The following TERT variants were observed in gnomAD, a reference collection of about 807,000 sequenced individuals.
TERT encodes telomerase catalytic subunit.
TERT carries 42 observed loss-of-function variants against 104.0 expected under a neutral mutation model. The observed-to-expected ratio is 0.40, with a 90% CI of 0.32 to 0.52. The LOEUF is 0.52. TERT is among the 20% of genes least tolerant of loss of function. The pLI is 0.43. For missense variants in TERT, 1,101 were observed against 1,610.3 expected (o/e 0.68, Z 5.41); for synonymous variants, 781 against 725.6 (o/e 1.08, Z -1.23).
At position 1,268,367 on chromosome 5, in the gene TERT, C is replaced by T. The variant is rs959793423; in HGVS notation, c.2582+153G>A. ...AGTCCTCAGGCTGTGCAACCCCTCCCGTGCGGCTTCATACCAAGAAGGGGC... is the reference window on the plus strand; with the variant it reads ...AGTCCTCAGGCTGTGCAACCCCTCCTGTGCGGCTTCATACCAAGAAGGGGC... On this transcript the variant is annotated intron_variant, in intron 9 of 15. Coordinates refer to ENST00000310581, the MANE Select transcript of TERT (RefSeq NM_198253.3). The surrounding 1 kb of genome is among the most constrained non-coding windows in gnomAD (Gnocchi z 5.5). Among the ~76,000 whole-genome samples, 4 of 152,238 alleles carry T rather than the reference C, an allele frequency of 2.6e-5. No homozygotes were observed. The highest frequency in any genetic ancestry group is 5.9e-5 in the Non-Finnish European group (4 of 68,030).
At chr5:1,282,408 C>T (rs1345002617) in intron 3 of TERT, 21 bp downstream of exon 3, 1 of 1,613,188 alleles carries the variant, frequency 6.2e-7, no homozygotes, top group Non-Finnish European at 8.5e-7. Flanking sequence ...GAAGCAGAGG[C>T]CTGGCGTGGG....
In TERT at chr5:1,269,942, C is replaced by T. The variant is rs1466494837; in HGVS notation, c.2468+1177G>A. Among the ~76,000 whole-genome samples the T allele has an allele frequency of 6.6e-6, 1 of 152,156 alleles. No individual in the cohort carries two copies. The highest frequency in any genetic ancestry group is 6.5e-5 in the Admixed American group (1 of 15,274). ...CCTCCTGTCTGTCAGGGCATGAGGA[C>T]GCAGTCATCACCTCACATTCCCCAA... On this transcript the variant is annotated intron_variant, in intron 8 of 15. Transcript: ENST00000310581. This position sits in a 1 kb window ranked among gnomAD's most constrained non-coding sequence, Gnocchi z 9.0.
rs530864730 is a variant in TERT, at chr5:1,285,432, A to C, written c.1574-2808T>G. Reference sequence around the variant, plus strand: ...CCGCAGACAAAGCTCAAAAAATGTCAAATGTCCTGTGAGTGATGCTCCCAC... The same window carrying C: ...CCGCAGACAAAGCTCAAAAAATGTCCAATGTCCTGTGAGTGATGCTCCCAC... On this transcript the variant is annotated intron_variant, in intron 2 of 15. Coordinates refer to ENST00000310581, the MANE Select transcript of TERT (RefSeq NM_198253.3). 2.0e-5 allele frequency among the ~76,000 whole-genome samples: 3 copies of C among 152,324 alleles called. No homozygotes were observed. In the East Asian group the frequency reaches 5.8e-4, roughly 29 times the overall value.
chr5:1,272,347 TC>T, intron 6 of TERT, 67 bp from the exon 7 acceptor site: 1 of 1,367,260 alleles, frequency 7.3e-7, no homozygotes, highest in East Asian at 2.4e-5. Context: ...GGCACTTGTT[TC>T]TTCCGATCAG....
rs905944131 is a variant in TERT, at chr5:1,286,381, G to T, written c.1574-3757C>A. On this transcript the variant is annotated intron_variant, in intron 2 of 15. Coordinates refer to ENST00000310581, the MANE Select transcript of TERT (RefSeq NM_198253.3). The surrounding 1 kb of genome is among the most constrained non-coding windows in gnomAD (Gnocchi z 5.3). ...ACAGACGGGGAACAAAGGAGGAAAA[G>T]CAGGGCGGGGGCAAAGCTACAGAAA... is the stretch of plus-strand genomic sequence containing the variant. Among the ~76,000 whole-genome samples, 1 of 152,180 alleles carries T rather than the reference G, an allele frequency of 6.6e-6. No homozygotes were observed. Among genetic ancestry groups the T allele is most frequent in the African/African-American group, 2.4e-5 (1 of 41,446 alleles).
At position 1,294,369 on chromosome 5, in the gene TERT, G is replaced by A. The variant is rs1484500885; in HGVS notation, c.517C>T (p.Pro173Ser). The A allele has an allele frequency of 6.3e-7, 1 of 1,575,474 alleles. No homozygotes were observed. The highest frequency in any genetic ancestry group is 8.6e-7 in the Non-Finnish European group (1 of 1,168,708). ...APSCAYQVCG[P>S]PLYQLGAATQ... ...GCAGCGCCGAGCTGGTACAGCGGCG[G>A]CCCGCACACCTGGTAGGCGCAGCTG... The change falls in exon 2 of 16, where the codon CCG (proline) becomes TCG (serine). Residue 173 changes from proline (P) to serine (S), a missense_variant. This residue lies in a region of TERT where 47 missense variants were observed against 105.3 expected (regional missense o/e 0.45). Transcript: ENST00000310581.
chr5:1,260,653 C>T, intron 11 of TERT, 53 bp from the exon 12 acceptor site: 2 of 1,609,278 alleles, frequency 1.2e-6, no homozygotes, highest in South Asian at 2.2e-5. Context: ...CACCCAGCCC[C>T]CTCCTGCAAA....
In TERT at chr5:1,282,569, C is replaced by G; in HGVS notation, c.1629G>C (p.Lys543Asn). 2 of 1,614,138 alleles carry G rather than the reference C, an allele frequency of 1.2e-6. No homozygotes were observed. Among genetic ancestry groups the G allele is most frequent in the Non-Finnish European group, 1.7e-6 (2 of 1,180,036 alleles). The change falls in exon 3 of 16, where the codon AAG becomes AAC. Residue 543 changes from lysine (K) to asparagine (N), a missense_variant. Coordinates refer to ENST00000310581, the MANE Select transcript of TERT (RefSeq NM_198253.3). ...ACACACTCATCAGCCAGTGCAGGAACTTGGCCAGGATCTCCTCACGCAGAC... is the reference window on the plus strand; with the variant it reads ...ACACACTCATCAGCCAGTGCAGGAAGTTGGCCAGGATCTCCTCACGCAGAC... ...EHRLREEILA[K>N]FLHWLMSVYV...
intron 2 of TERT, chr5:1,282,884 CAGACACCACACATCCAGCTCACCGCA>C (rs1750136788): frequency 1.8e-6 from 1 of 552,252 alleles, no homozygotes; most frequent in African/African-American, 2.0e-5. Flanking sequence ...CTGCAGCATC[CAGACACCACACATCCAGCTCACCGCA>C]GGGCCTGGCG....
chr5:1,287,108 T>C lies in TERT; in HGVS notation c.1574-4484A>G, dbSNP rs1411493187. 2.0e-5 allele frequency among the ~76,000 whole-genome samples: 3 copies of C among 151,828 alleles called. No individual in the cohort carries two copies. The highest frequency in any genetic ancestry group is 4.2e-4 in the South Asian group (2 of 4,800). The stretch of plus-strand genomic sequence containing the variant: ...GTCTCTAGTGACAAAAAAATGAAAA[T>C]AAATCAGGTTATCCAGTTAAACAAC... On this transcript the variant is annotated intron_variant, in intron 2 of 15. Transcript: ENST00000310581. The surrounding 1 kb of genome is among the most constrained non-coding windows in gnomAD (Gnocchi z 4.3).
rs372330958 is a variant in TERT, at chr5:1,254,357, C to T, written c.3295+11G>A. ...CAGGTGGGGCCCGCACTGGCCTCCA[C>T]CCACACTTGCCTGTCCTGAGTGACC... is the stretch of plus-strand genomic sequence containing the variant. On this transcript the variant is annotated intron_variant, in intron 15 of 15. Transcript: ENST00000310581. 7.8e-5 allele frequency: 126 copies of T among 1,612,984 alleles called. No individual in the cohort carries two copies. Among genetic ancestry groups the T allele is most frequent in the Non-Finnish European group, 9.7e-5 (115 of 1,179,928 alleles).
At chr5:1,259,796 GA>G (rs1748081377) in intron 12 of TERT, among the ~76,000 whole-genome samples, 1 of 140,942 alleles carries the variant, frequency 7.1e-6, no homozygotes, top group African/African-American at 2.7e-5. Context: ...AGGAGAGAGG[GA>G]GTGGATGCAG....
intron 2 of TERT, among the ~76,000 whole-genome samples, chr5:1,285,458 C>A (rs1750415757): frequency 6.6e-6 from 1 of 152,114 alleles, no homozygotes. Flanking sequence ...ATGCTCCCAC[C>A]AATAACACCC....
rs1346639935 is a variant in TERT at position 1,263,632 on chromosome 5, C to T, written c.2843+772G>A. Among the ~76,000 whole-genome samples, 1 of 152,248 alleles carries T rather than the reference C, an allele frequency of 6.6e-6. No homozygotes were observed. Among genetic ancestry groups the T allele is most frequent in the African/African-American group, 2.4e-5 (1 of 41,464 alleles). ...TGTTGGTTAGGTTGGCCTCAAACTC[C>T]TGGCCTCAAGTGATCCACCCACCTC... On this transcript the variant is annotated intron_variant, in intron 11 of 15. Coordinates refer to ENST00000310581, the MANE Select transcript of TERT (RefSeq NM_198253.3). The surrounding 1 kb of genome is among the most constrained non-coding windows in gnomAD (Gnocchi z 5.3).
chr5:1,276,696 A>G (rs1397113277), intron 6 of TERT, among the ~76,000 whole-genome samples: 1 of 46,150 alleles, frequency 2.2e-5, no homozygotes, highest in African/African-American at 4.6e-5. Context: ...ATGAAAACCA[A>G]TTCCACCAAT....
intron 3 of TERT, among the ~76,000 whole-genome samples, 172 bp downstream of exon 3, chr5:1,282,257 G>T (rs1750071073): frequency 6.6e-6 from 1 of 152,238 alleles, no homozygotes; most frequent in Non-Finnish European, 1.5e-5. Flanking sequence ...GCTCCAGGCA[G>T]TCAGAGCCTT....
chr5:1,255,187 A>T lies in TERT; in HGVS notation c.3157+100T>A, dbSNP rs1204501461. 117 of 1,482,256 alleles carry T rather than the reference A, an allele frequency of 7.9e-5. No individual in the cohort carries two copies. Among genetic ancestry groups the T allele is most frequent in the Non-Finnish European group, 9.7e-5 (105 of 1,084,384 alleles). The allele number at this position is 1,482,256 out of a possible 1,614,324, so 91.8% of individuals were successfully genotyped here. ...GGTTAAACCACTTCCTGATGCGAAA[A>T]GGGGTAAGAACTTCCTAAGCCCAGA... is the stretch of plus-strand genomic sequence containing the variant. On this transcript the variant is annotated intron_variant, in intron 14 of 15. Coordinates refer to ENST00000310581, the MANE Select transcript of TERT (RefSeq NM_198253.3). The surrounding 1 kb of genome is among the most constrained non-coding windows in gnomAD (Gnocchi z 6.9).
At position 1,268,564 on chromosome 5, in the gene TERT, G is replaced by A. The variant is rs778309923; in HGVS notation, c.2538C>T (p.Tyr846=). 8.7e-6 allele frequency: 14 copies of A among 1,613,396 alleles called. No homozygotes were observed. Among genetic ancestry groups the A allele is most frequent in the East Asian group, 2.2e-5 (1 of 44,900 alleles). ...CAAACAGCTTGTTCTCCATGTCGCCGTAGCACAGGCTGCAGAGCAGCGTGG... is the reference window on the plus strand; with the variant it reads ...CAAACAGCTTGTTCTCCATGTCGCCATAGCACAGGCTGCAGAGCAGCGTGG... ...ILSTLLCSLC[Y]GDMENKLFAG... Residue 846 remains tyrosine, a synonymous_variant, in exon 9 of 16, where the codon TAC becomes TAT. Coordinates refer to ENST00000310581, the MANE Select transcript of TERT (RefSeq NM_198253.3). This position sits in a 1 kb window ranked among gnomAD's most constrained non-coding sequence, Gnocchi z 5.5.
chr5:1,260,376 A>G (rs1579551103), intron 12 of TERT, 98 bp downstream of exon 12: 34 of 1,582,232 alleles, frequency 2.1e-5, no homozygotes, highest in Non-Finnish European at 2.9e-5. Context: ...GCAGCCAGTC[A>G]CCATCAGCCT....
Sources: gnomAD v4.1 joint callset for allele counts (sites outside exome capture counted in the v4.1 genomes callset) on GRCh38, gnomAD v4.1.1 for gene constraint, gnomAD v4.1.1 regional missense constraint, Gnocchi (gnomAD v3.1) non-coding constraint, MANE v1.5 for transcripts, NCBI Gene and HGNC (gene_info 2026-07-23, HGNC 2026-07-21) for gene names.